The following VAV3 variants were observed in gnomAD, a reference collection of about 807,000 sequenced individuals.
The protein encoded by VAV3 is guanine nucleotide exchange factor VAV3.
In VAV3, 94 loss-of-function variants were observed where a neutral mutation model predicts 131.2. That is an observed-to-expected ratio of 0.72 (90% CI 0.61 to 0.85). The LOEUF is 0.85. Ranked by LOEUF, VAV3 falls within the 40% of genes least tolerant of loss-of-function variation. VAV3 has a pLI of 0.00. For synonymous variants in VAV3, 349 were observed against 342.0 expected, an observed-to-expected ratio of 1.02 and a Z score of -0.22; for missense variants, 939 against 1,002.7, an observed-to-expected ratio of 0.94 and a Z score of 0.86.
chr1:107,890,613 A>G (rs1378641404), intron 1 of VAV3, among the ~76,000 whole-genome samples: 1 of 152,248 alleles, frequency 6.6e-6, no homozygotes. Context: ...GGAAACATAA[A>G]TGGATAGACT....
At chr1:107,943,616 C>T (rs935501839) in intron 1 of VAV3, among the ~76,000 whole-genome samples, 1 of 152,282 alleles carries the variant, frequency 6.6e-6, no homozygotes, top group African/African-American at 2.4e-5. Flanking sequence ...GTGGCACACA[C>T]CTGTAGTCCC....
At chr1:107,890,995 G>A (rs1671284036) in intron 1 of VAV3, among the ~76,000 whole-genome samples, 1 of 152,154 alleles carries the variant, frequency 6.6e-6, no homozygotes, top group Middle Eastern at 3.4e-3. Context: ...AACACTGTTT[G>A]AAATATTATG....
intron 19 of VAV3, among the ~76,000 whole-genome samples, chr1:107,665,522 T>C (rs981124419): frequency 2.6e-5 from 4 of 152,224 alleles, no homozygotes; most frequent in Admixed American, 6.5e-5. Flanking sequence ...CCCTAGGAAA[T>C]GTAAAGATAA....
At chr1:107,718,870 T>A (rs528114445) in intron 15 of VAV3, among the ~76,000 whole-genome samples, 16 of 152,112 alleles carry the variant, frequency 1.1e-4, no homozygotes, top group Admixed American at 6.5e-4. Context: ...TATAGACCAA[T>A]GGAACAGAAC....
intron 2 of VAV3, among the ~76,000 whole-genome samples, chr1:107,786,624 ATCATCGGTAAAG>A (rs1224452817): frequency 3.3e-5 from 5 of 152,214 alleles, no homozygotes; most frequent in Admixed American, 2.0e-4. Context: ...CATCCTCATC[ATCATCGGTAAAG>A]TCAGATTTGG....
chr1:107,735,567 T>A (rs1557805553), intron 15 of VAV3, among the ~76,000 whole-genome samples: 1 of 152,168 alleles, frequency 6.6e-6, no homozygotes, highest in Non-Finnish European at 1.5e-5. Context: ...CATCAGAGAA[T>A]ACTATAAACA....
rs546103774 is a variant in VAV3 at position 107,674,891 on chromosome 1, T to A, written c.1777+8597A>T. On this transcript the variant is annotated intron_variant, in intron 19 of 26. Coordinates refer to ENST00000370056, the MANE Select transcript of VAV3 (RefSeq NM_006113.5). ...TTTGCATATTCTGATGAAGCAAGCA[T>A]CCATGGTGAGTAGGTCCATGTAGTA... is the stretch of plus-strand genomic sequence containing the variant. Among the ~76,000 whole-genome samples the A allele has an allele frequency of 2.0e-4, 30 of 152,322 alleles. 1 individual carries two copies. Among genetic ancestry groups the A allele is most frequent in the African/African-American group, 7.2e-4 (30 of 41,574 alleles).
At chr1:107,625,279 G>A (rs1213542761) in intron 20 of VAV3, among the ~76,000 whole-genome samples, 1 of 149,070 alleles carries the variant, frequency 6.7e-6, no homozygotes, top group Non-Finnish European at 1.5e-5. Flanking sequence ...TTCTTTTTGG[G>A]ACGGCATCTC....
At chr1:107,584,152 TG>T (rs1291260964) in intron 25 of VAV3, among the ~76,000 whole-genome samples, 1 of 152,114 alleles carries the variant, frequency 6.6e-6, no homozygotes, top group African/African-American at 2.4e-5. Flanking sequence ...AAACAAGCAA[TG>T]GGGAAAGGAT....
chr1:107,790,679 C>CTT (rs145926469), intron 2 of VAV3, among the ~76,000 whole-genome samples: 16,087 of 69,972 alleles, frequency 0.23, 4,099 homozygotes, highest in Non-Finnish European at 0.31. Flanking sequence ...AAATGTCTTC[C>CTT]TTTTTTTTTT....
chr1:107,663,613 G>A (rs975585072), intron 19 of VAV3, among the ~76,000 whole-genome samples: 1 of 152,122 alleles, frequency 6.6e-6, no homozygotes, highest in Non-Finnish European at 1.5e-5. Flanking sequence ...AGTGGTCAGA[G>A]CTTCAAAGAA....
At chr1:107,682,305 A>T (rs1379875894) in intron 19 of VAV3, among the ~76,000 whole-genome samples, 1 of 152,214 alleles carries the variant, frequency 6.6e-6, no homozygotes, top group East Asian at 1.9e-4. Flanking sequence ...ACACTTATAA[A>T]GGTTAAGTAA....
At chr1:107,912,977 T>C (rs1672439367) in intron 1 of VAV3, among the ~76,000 whole-genome samples, 1 of 152,248 alleles carries the variant, frequency 6.6e-6, no homozygotes, top group Non-Finnish European at 1.5e-5. Context: ...TCTCGTTTAT[T>C]TCTCTCCAGG....
At chr1:107,696,999 A>G (rs1193332697) in intron 17 of VAV3, among the ~76,000 whole-genome samples, 2 of 152,186 alleles carry the variant, frequency 1.3e-5, no homozygotes, top group Admixed American at 1.3e-4. Flanking sequence ...GAAGCTGAGA[A>G]GCAGCTCATA....
chr1:107,777,493 G>A (rs1287091045), intron 3 of VAV3, among the ~76,000 whole-genome samples, 197 bp from the exon 4 acceptor site: 2 of 152,170 alleles, frequency 1.3e-5, no homozygotes, highest in Non-Finnish European at 2.9e-5. Context: ...TTCCCCTAGG[G>A]AGGCTGTAAC....
chr1:107,913,996 T>C (rs974006843), intron 1 of VAV3, among the ~76,000 whole-genome samples: 3 of 152,196 alleles, frequency 2.0e-5, no homozygotes, highest in Non-Finnish European at 1.5e-5. Flanking sequence ...GGTTTCACCA[T>C]GTTGGCCAGG....
intron 2 of VAV3, among the ~76,000 whole-genome samples, chr1:107,834,693 T>C (rs922732699): frequency 6.0e-5 from 9 of 150,070 alleles, no homozygotes; most frequent in Non-Finnish European, 1.3e-4. Context: ...CCAACATACT[T>C]TGAACAGATC....
intron 19 of VAV3, among the ~76,000 whole-genome samples, chr1:107,676,386 G>A (rs766072638): frequency 2.6e-5 from 4 of 152,228 alleles, no homozygotes; most frequent in Non-Finnish European, 5.9e-5. Flanking sequence ...TTAACCAGCT[G>A]TGGGGACAAT....
chr1:107,887,932 A>T (rs1671115000), intron 1 of VAV3, among the ~76,000 whole-genome samples: 4 of 152,152 alleles, frequency 2.6e-5, no homozygotes, highest in African/African-American at 9.7e-5. Flanking sequence ...TAAACTTGAA[A>T]TAATTATTAA....
Sources: gnomAD v4.1 joint callset for allele counts (sites outside exome capture counted in the v4.1 genomes callset) on GRCh38, gnomAD v4.1.1 for gene constraint, MANE v1.5 for transcripts, NCBI Gene and HGNC (gene_info 2026-07-23, HGNC 2026-07-21) for gene names.